Variants in ATP8A2 observed in about 807,000 individuals in gnomAD.
The protein encoded by ATP8A2 is ATPase phospholipid transporting 8A2.
Under a neutral mutation model 165.6 loss-of-function variants are expected in ATP8A2, and 100 were observed. The ratio of observed to expected loss-of-function variants is 0.60; its 90% CI spans 0.51 to 0.71. The LOEUF (loss-of-function observed/expected upper bound fraction) is 0.71, where lower values mean the gene tolerates loss of function less well. Among genes scored for constraint, ATP8A2 ranks in the 30% least tolerant of loss-of-function variants. ATP8A2 has a pLI of 0.00. For synonymous variants in ATP8A2, 543 were observed against 548.8 expected (o/e 0.99, Z 0.15); for missense variants, 1,227 against 1,479.5 (o/e 0.83, Z 2.80).
intron 1 of ATP8A2, among the ~76,000 whole-genome samples, chr13:25,399,880 TTCC>T (rs1047166338): frequency 2.0e-4 from 20 of 102,134 alleles, no homozygotes; most frequent in Non-Finnish European, 3.1e-4. Flanking sequence ...CTTCTTCCTC[TTCC>T]TCCTCCTCCT....
chr13:25,943,657 G>A (rs545951661), intron 33 of ATP8A2, among the ~76,000 whole-genome samples: 9 of 152,296 alleles, frequency 5.9e-5, no homozygotes, highest in Non-Finnish European at 1.2e-4. Flanking sequence ...TCTGTATTTT[G>A]TAACCTGTCG....
chr13:25,879,668 T>C (rs572929918), intron 33 of ATP8A2, among the ~76,000 whole-genome samples: 62 of 152,308 alleles, frequency 4.1e-4, no homozygotes, highest in Admixed American at 3.4e-3. Flanking sequence ...AGCCCAGGTC[T>C]CCCACTGTGC....
intron 33 of ATP8A2, among the ~76,000 whole-genome samples, chr13:25,933,931 C>G (rs1954824596): frequency 6.6e-6 from 1 of 152,206 alleles, no homozygotes; most frequent in Non-Finnish European, 1.5e-5. Flanking sequence ...GACCTGGAGG[C>G]AGGCAGCTCT....
At chr13:25,576,869 T>C (rs1437247754) in intron 19 of ATP8A2, among the ~76,000 whole-genome samples, 200 bp from the exon 20 acceptor site, 1 of 152,076 alleles carries the variant, frequency 6.6e-6, no homozygotes, top group Non-Finnish European at 1.5e-5. Flanking sequence ...GGGAAAGAAA[T>C]AGGCTTATGT....
intron 14 of ATP8A2, among the ~76,000 whole-genome samples, chr13:25,559,462 G>C (rs138789003): frequency 0.013 from 1,966 of 152,288 alleles, 41 homozygotes; most frequent in African/African-American, 0.044. Context: ...AACTTGGGAG[G>C]CAGAGGTTGC....
At chr13:25,535,079 G>T (rs1037586405) in intron 6 of ATP8A2, among the ~76,000 whole-genome samples, 5 of 152,180 alleles carry the variant, frequency 3.3e-5, no homozygotes, top group East Asian at 1.9e-4. Flanking sequence ...TAGACCCAGT[G>T]GTTCAGATCA....
intron 26 of ATP8A2, among the ~76,000 whole-genome samples, chr13:25,771,980 T>C (rs2044629964): frequency 6.6e-6 from 1 of 152,212 alleles, no homozygotes; most frequent in Admixed American, 6.5e-5. Flanking sequence ...CCCTCAGGGT[T>C]ATTATACTCA....
chr13:25,468,782 G>C (rs1593352589), intron 1 of ATP8A2, 195 bp from the exon 2 acceptor site: 5 of 969,958 alleles, frequency 5.2e-6, no homozygotes, highest in Non-Finnish European at 6.1e-6. Flanking sequence ...GCGGGGCCGG[G>C]GGCGGGGCCG....
At chr13:25,384,370 G>A (rs2032963678) in intron 1 of ATP8A2, among the ~76,000 whole-genome samples, 1 of 152,110 alleles carries the variant, frequency 6.6e-6, no homozygotes, top group Non-Finnish European at 1.5e-5. Context: ...CTTTTTTGGG[G>A]AGAAGTCCTC....
At chr13:25,392,604 A>G (rs1420454937) in intron 1 of ATP8A2, among the ~76,000 whole-genome samples, 1 of 152,224 alleles carries the variant, frequency 6.6e-6, no homozygotes, top group Non-Finnish European at 1.5e-5. Flanking sequence ...TAATTAAATT[A>G]TTGTAACTCA....
chr13:25,771,777 C>T (rs574989623), intron 26 of ATP8A2, among the ~76,000 whole-genome samples: 6 of 152,264 alleles, frequency 3.9e-5, no homozygotes, highest in African/African-American at 1.2e-4. Context: ...AGGGCAGGTT[C>T]CTGCTAACCT....
At chr13:25,452,716 G>T (rs1363788550) in intron 1 of ATP8A2, among the ~76,000 whole-genome samples, 1 of 152,124 alleles carries the variant, frequency 6.6e-6, no homozygotes, top group African/African-American at 2.4e-5. Flanking sequence ...AAGTAGGTAA[G>T]GTTGAGGCTT....
intron 24 of ATP8A2, among the ~76,000 whole-genome samples, chr13:25,647,595 A>T (rs9553638): frequency 0.12 from 18,978 of 152,096 alleles, 1,350 homozygotes; most frequent in Admixed American, 0.2. Flanking sequence ...GTTGAAGTTG[A>T]TTAGAAACCT....
At chr13:25,572,196 G>A (rs1445028770) in intron 18 of ATP8A2, among the ~76,000 whole-genome samples, 2 of 152,110 alleles carry the variant, frequency 1.3e-5, no homozygotes, top group Admixed American at 1.3e-4. Flanking sequence ...GTGCAGTGGT[G>A]CAATCTCGGC....
intron 1 of ATP8A2, among the ~76,000 whole-genome samples, chr13:25,418,506 A>G (rs1464260096): frequency 6.6e-6 from 1 of 152,176 alleles, no homozygotes; most frequent in East Asian, 1.9e-4. Context: ...CATAACTCTC[A>G]TAGACATAGC....
Position 25,525,422 on chromosome 13 carries a change from A to G in ATP8A2, c.222-4577A>G, listed in dbSNP as rs534298992. Among the ~76,000 whole-genome samples, 711 of 152,098 alleles carry G rather than the reference A, an allele frequency of 4.7e-3. 4 individuals carry two copies. The highest frequency in any genetic ancestry group is 0.016 in the African/African-American group (681 of 41,494). On this transcript the variant is annotated intron_variant, in intron 2 of 36. Coordinates refer to ENST00000381655, the MANE Select transcript of ATP8A2 (RefSeq NM_016529.6). The stretch of plus-strand genomic sequence containing the variant: ...GGTTTTATACCTTCAAATGTTTTCT[A>G]TTTGCATGTTAGTGTTTGTTTTTCT...
At chr13:25,578,523 A>G (rs1220069712) in intron 20 of ATP8A2, among the ~76,000 whole-genome samples, 2 of 152,134 alleles carry the variant, frequency 1.3e-5, no homozygotes, top group Admixed American at 1.3e-4. Flanking sequence ...AGTTTTGCAA[A>G]TTTTGGTGAA....
At chr13:25,851,321 C>A (rs1952002015) in intron 30 of ATP8A2, among the ~76,000 whole-genome samples, 1 of 152,190 alleles carries the variant, frequency 6.6e-6, no homozygotes, top group Non-Finnish European at 1.5e-5. Context: ...GTGGCTCACG[C>A]CTGTAATCCC....
At chr13:25,720,523 A>T (rs2043355844) in intron 25 of ATP8A2, among the ~76,000 whole-genome samples, 1 of 152,160 alleles carries the variant, frequency 6.6e-6, no homozygotes, top group South Asian at 2.1e-4. Flanking sequence ...CAAAGAAAAT[A>T]GGTTCATCTT....
Sources: gnomAD v4.1 joint callset for allele counts (sites outside exome capture counted in the v4.1 genomes callset) on GRCh38, gnomAD v4.1.1 for gene constraint, MANE v1.5 for transcripts, NCBI Gene and HGNC (gene_info 2026-07-23, HGNC 2026-07-21) for gene names.